UCK2: variants seen among roughly 807,000 people sequenced by gnomAD.
UCK2 encodes cytidine monophosphokinase 2.
In UCK2, 6 loss-of-function variants were observed where a neutral mutation model predicts 30.8. That is an observed-to-expected ratio of 0.19 (90% CI 0.11 to 0.38). The LOEUF (loss-of-function observed/expected upper bound fraction) is 0.38. UCK2 is among the 10% of genes least tolerant of loss of function. The pLI is 1.00. For missense variants in UCK2, 210 were observed against 339.8 expected (o/e 0.62, Z 3.00); for synonymous variants, 125 against 133.6 (o/e 0.94, Z 0.45).
chr1:165,884,534 G>A (rs1040646093), intron 1 of UCK2, among the ~76,000 whole-genome samples: 3 of 152,192 alleles, frequency 2.0e-5, no homozygotes, highest in Non-Finnish European at 4.4e-5. Flanking sequence ...GTCCAGGCTT[G>A]GGCTATGTCA....
intron 1 of UCK2, among the ~76,000 whole-genome samples, chr1:165,839,606 G>A (rs971901080): frequency 6.6e-6 from 1 of 152,130 alleles, no homozygotes; most frequent in African/African-American, 2.4e-5. Context: ...AGAATCCCTG[G>A]TTTGTTCAGA....
chr1:165,889,675 C>G (rs1557846485), intron 1 of UCK2, among the ~76,000 whole-genome samples: 1 of 144,190 alleles, frequency 6.9e-6, no homozygotes, highest in African/African-American at 2.6e-5. Flanking sequence ...AAGGCGGACT[C>G]TTCTCCGTTA....
intron 5 of UCK2, 23 bp from the exon 6 acceptor site, chr1:165,905,898 A>C (rs756707282): frequency 6.2e-7 from 1 of 1,612,486 alleles, no homozygotes; most frequent in Non-Finnish European, 8.5e-7. Context: ...GTATTAATGC[A>C]TATTAACTGT....
chr1:165,891,535 C>T (rs1449289479), intron 3 of UCK2: 8 of 544,090 alleles, frequency 1.5e-5, no homozygotes, highest in Non-Finnish European at 2.7e-5. Flanking sequence ...CTCCCTGGAA[C>T]AGTCCTGTTG....
chr1:165,856,275 A>G (rs1215652997), intron 1 of UCK2, among the ~76,000 whole-genome samples: 1 of 152,082 alleles, frequency 6.6e-6, no homozygotes, highest in East Asian at 1.9e-4. Context: ...TCTGATATCT[A>G]GTAAGCTGAG....
chr1:165,841,893 G>A (rs746357240), intron 1 of UCK2, among the ~76,000 whole-genome samples: 4 of 152,142 alleles, frequency 2.6e-5, no homozygotes, highest in Non-Finnish European at 5.9e-5. Flanking sequence ...CCCCAGTCTC[G>A]TGCACAGGGA....
intron 1 of UCK2, among the ~76,000 whole-genome samples, chr1:165,837,475 T>A (rs1654223988): frequency 6.6e-6 from 1 of 152,360 alleles, no homozygotes; most frequent in South Asian, 2.1e-4. Flanking sequence ...CAGTTAGATT[T>A]CCTGAAGGTC....
intron 1 of UCK2, among the ~76,000 whole-genome samples, chr1:165,861,652 A>AAAAAAAAAT (rs1654907380): frequency 7.3e-6 from 1 of 136,316 alleles, no homozygotes; most frequent in Non-Finnish European, 1.6e-5. Flanking sequence ...AAAAAAAACA[A>AAAAAAAAAT]AAAAAAACAA....
chr1:165,889,269 G>A (rs1655702396), intron 1 of UCK2, among the ~76,000 whole-genome samples: 1 of 152,198 alleles, frequency 6.6e-6, no homozygotes, highest in African/African-American at 2.4e-5. Flanking sequence ...TAGGATTAAC[G>A]CTGTGAGCAT....
intron 1 of UCK2, among the ~76,000 whole-genome samples, chr1:165,863,744 G>A (rs1654977299): frequency 6.6e-6 from 1 of 152,170 alleles, no homozygotes; most frequent in African/African-American, 2.4e-5. Context: ...CTCTAGCAGG[G>A]TGCTCTAGCA....
intron 1 of UCK2, among the ~76,000 whole-genome samples, chr1:165,842,149 T>A (rs1451766984): frequency 6.6e-6 from 1 of 152,188 alleles, no homozygotes; most frequent in Admixed American, 6.5e-5. Context: ...TCACTGCTCT[T>A]GGCTGGTTGG....
intron 4 of UCK2, 114 bp downstream of exon 4, chr1:165,896,446 GGCAGCTGTGTGTC>G: frequency 7.8e-7 from 1 of 1,280,524 alleles, no homozygotes; most frequent in Non-Finnish European, 1.1e-6. Context: ...CCTTCCCTGA[GGCAGCTGTGTGTC>G]GCATGGTCCA....
intron 1 of UCK2, among the ~76,000 whole-genome samples, chr1:165,878,918 T>C (rs1655405281): frequency 6.6e-6 from 1 of 152,246 alleles, no homozygotes; most frequent in Non-Finnish European, 1.5e-5. Context: ...GGCTATACCA[T>C]TTTGCAGCCC....
chr1:165,855,917 C>T (rs948901863), intron 1 of UCK2, among the ~76,000 whole-genome samples: 26 of 152,228 alleles, frequency 1.7e-4, no homozygotes, highest in Middle Eastern at 6.8e-3. Flanking sequence ...GGCCTTTTTA[C>T]GCCCTGGTGC....
chr1:165,876,306 T>A (rs1360725724), intron 1 of UCK2, among the ~76,000 whole-genome samples: 1 of 152,234 alleles, frequency 6.6e-6, no homozygotes, highest in Non-Finnish European at 1.5e-5. Flanking sequence ...GGAAGTGACA[T>A]CTTCGTCACC....
intron 1 of UCK2, among the ~76,000 whole-genome samples, chr1:165,856,307 C>T (rs1464841478): frequency 6.6e-6 from 1 of 151,662 alleles, no homozygotes; most frequent in African/African-American, 2.4e-5. Flanking sequence ...GAAGCAGTAG[C>T]CAAATTATGG....
At chr1:165,867,855 A>G (rs1427027435) in intron 1 of UCK2, among the ~76,000 whole-genome samples, 1 of 152,152 alleles carries the variant, frequency 6.6e-6, no homozygotes, top group African/African-American at 2.4e-5. Flanking sequence ...ATGAATCACA[A>G]ATGTTGTTAA....
intron 1 of UCK2, among the ~76,000 whole-genome samples, chr1:165,860,519 G>A (rs1654868130): frequency 6.6e-6 from 1 of 152,070 alleles, no homozygotes; most frequent in Admixed American, 6.6e-5. Flanking sequence ...TGCAATTGCA[G>A]CTCACTGCAG....
chr1:165,898,870 T>C (rs531514296), intron 4 of UCK2, among the ~76,000 whole-genome samples: 5 of 152,342 alleles, frequency 3.3e-5, no homozygotes, highest in African/African-American at 1.2e-4. Flanking sequence ...AGGGCTCTGC[T>C]TTCTCATTTC....
Sources: gnomAD v4.1 joint callset for allele counts (sites outside exome capture counted in the v4.1 genomes callset) on GRCh38, gnomAD v4.1.1 for gene constraint, MANE v1.5 for transcripts, NCBI Gene and HGNC (gene_info 2026-07-23, HGNC 2026-07-21) for gene names.